EFNB1: variants seen among roughly 807,000 people sequenced by gnomAD.
The protein encoded by EFNB1 is ephrin-B1.
Under a neutral mutation model 18.1 loss-of-function variants are expected in EFNB1, and 1 was observed. That is an observed-to-expected ratio of 0.06 (90% confidence interval 0.02 to 0.26). The LOEUF (loss-of-function observed/expected upper bound fraction) is 0.26. Ranked by LOEUF, EFNB1 falls within the 10% of genes least tolerant of loss-of-function variation. The pLI is 1.00. For synonymous variants in EFNB1, 131 were observed against 127.5 expected, an observed-to-expected ratio of 1.03 and a Z score of -0.19; for missense variants, 221 against 301.8, an observed-to-expected ratio of 0.73 and a Z score of 1.98.
chrX:68,829,762 T>G lies in EFNB1; in HGVS notation c.-15T>G. 2 of 1,186,162 alleles carry G rather than the reference T, an allele frequency of 1.7e-6. No individual in the cohort carries two copies. Among genetic ancestry groups the G allele is most frequent in the Non-Finnish European group, 2.3e-6 (2 of 882,541 alleles). On this transcript the variant is annotated 5_prime_UTR_variant, in exon 1 of 5. Transcript: ENST00000204961. ...GGCGCCAAGGGATCCCGAAGTGCAG[T>G]CTGCCCCCGGGAAGATGGCTCGGCC... is the stretch of plus-strand genomic sequence containing the variant.
At chrX:68,838,164 TGTGTGTGTGCGCGCGC>T (rs779615453) in intron 1 of EFNB1, among the ~76,000 whole-genome samples, 1 of 46,841 alleles carries the variant, frequency 2.1e-5, no homozygotes, top group Non-Finnish European at 3.9e-5. Context: ...TGTGTGTGTG[TGTGTGTGTGCGCGCGC>T]GCGCGCGCAC....
intron 1 of EFNB1, among the ~76,000 whole-genome samples, chrX:68,830,191 G>A (rs1394337620): frequency 8.9e-6 from 1 of 111,852 alleles, no homozygotes; most frequent in Non-Finnish European, 1.9e-5. Flanking sequence ...GAGTCCGGGC[G>A]CCCGAGAGCG....
At position 68,832,785 on chromosome X, in the gene EFNB1, G is replaced by A. The variant is rs771765514; in HGVS notation, c.128+2881G>A. The stretch of plus-strand genomic sequence containing the variant: ...GGGGGATGGGTTTGGTCCTGCTAGA[G>A]TTTTTTTTAGGAACCTCTGTGTGTG... On this transcript the variant is annotated intron_variant, in intron 1 of 4. Transcript: ENST00000204961. Among the ~76,000 whole-genome samples, 5 of 100,846 alleles carry A rather than the reference G, an allele frequency of 5.0e-5. No homozygotes were observed. In the South Asian group the frequency reaches 1.8e-3, roughly 36 times the overall value. 87.6% of individuals were successfully genotyped at this position (100,846 alleles called of 115,157 possible). A position where few individuals can be genotyped will look rare whatever the true frequency, so the allele number is the denominator to read the frequency against.
intron 1 of EFNB1, among the ~76,000 whole-genome samples, chrX:68,834,125 G>A (rs1402622241): frequency 1.8e-5 from 2 of 112,307 alleles, no homozygotes; most frequent in East Asian, 5.7e-4. Flanking sequence ...TGTGACTCAG[G>A]CCCTGTCTGT....
intron 1 of EFNB1, among the ~76,000 whole-genome samples, chrX:68,833,922 C>A (rs148279702): frequency 1.8e-5 from 2 of 112,538 alleles, no homozygotes; most frequent in Non-Finnish European, 3.8e-5. Flanking sequence ...GGCATATGCC[C>A]GGACAAGGGA....
chrX:68,837,498 A>G lies in EFNB1; in HGVS notation c.129-1119A>G, dbSNP rs753136467. 7.1e-5 allele frequency among the ~76,000 whole-genome samples: 8 copies of G among 112,392 alleles called. 1 individual carries two copies. The Admixed American group carries it at 7.5e-4, about 11-fold the overall frequency. ...GGGCCTAGCTTTGGAATCTGATTCT[A>G]AAGTCTGTGTTCTTTCTCCTACATG... On this transcript the variant is annotated intron_variant, in intron 1 of 4. Transcript: ENST00000204961.
intron 1 of EFNB1, among the ~76,000 whole-genome samples, chrX:68,836,658 T>C (rs755621010): frequency 1.2e-4 from 14 of 112,407 alleles, no homozygotes; most frequent in African/African-American, 4.2e-4. Context: ...ACCTTTGGTG[T>C]AATGGGCCCT....
intron 4 of EFNB1, 55 bp downstream of exon 4, chrX:68,840,143 G>A: frequency 1.7e-6 from 2 of 1,210,649 alleles, no homozygotes; most frequent in Non-Finnish European, 2.2e-6. Context: ...ACCTTGTTAG[G>A]CCCTGTCCCT....
chrX:68,832,194 C>G (rs937522565), intron 1 of EFNB1, among the ~76,000 whole-genome samples: 2 of 110,852 alleles, frequency 1.8e-5, no homozygotes, highest in Admixed American at 9.5e-5. Flanking sequence ...GCCTCCTGCC[C>G]GAGTTCTCCT....
intron 1 of EFNB1, 72 bp from the exon 2 acceptor site, chrX:68,838,545 G>A (rs1396402445): frequency 4.2e-6 from 5 of 1,177,477 alleles, no homozygotes; most frequent in Admixed American, 2.2e-5. Flanking sequence ...GCTCTTGTCC[G>A]CTTCCCTGGT....
intron 1 of EFNB1, among the ~76,000 whole-genome samples, chrX:68,831,725 G>C (rs763413786): frequency 1.2e-4 from 13 of 111,182 alleles, no homozygotes; most frequent in Non-Finnish European, 2.5e-4. Flanking sequence ...CCCTCCTGCA[G>C]AGTTGGGGGT....
At chrX:68,838,944 T>C in intron 2 of EFNB1, 50 bp downstream of exon 2, 2 of 1,167,012 alleles carry the variant, frequency 1.7e-6, no homozygotes, top group Non-Finnish European at 2.3e-6. Flanking sequence ...GCTTAACTCT[T>C]TCCTCTCCTG....
intron 1 of EFNB1, among the ~76,000 whole-genome samples, chrX:68,838,131 A>ATG (rs1193927663): frequency 0.073 from 4,012 of 55,075 alleles, 120 homozygotes; most frequent in Non-Finnish European, 0.089. Flanking sequence ...GTGTGTGTGT[A>ATG]TGTGTGTGTG....
In EFNB1 at chrX:68,842,129, G is replaced by T. The variant is rs1281064320; in HGVS notation, c.*1475G>T. ...TGTTGCTTTTTTCTTAGAAAAAAATGAGAACTAAAAAAAAAAAATTAACCA... is the reference window on the plus strand; with the variant it reads ...TGTTGCTTTTTTCTTAGAAAAAAATTAGAACTAAAAAAAAAAAATTAACCA... On this transcript the variant is annotated 3_prime_UTR_variant, in exon 5 of 5. Coordinates refer to ENST00000204961, the MANE Select transcript of EFNB1 (RefSeq NM_004429.5). The T allele has an allele frequency of 8.9e-6, 1 of 111,880 alleles. No individual in the cohort carries two copies. The allele number at this position is 111,880 out of a possible 1,213,427, so 9.2% of individuals were successfully genotyped here. A position where few individuals can be genotyped will look rare whatever the true frequency, so the allele number is the denominator to read the frequency against.
In EFNB1 at chrX:68,837,687, T is replaced by G. The variant is rs144326717; in HGVS notation, c.129-930T>G. ...CAGTGCCTGGCCTTCTGGATTAGAA[T>G]ATGAACCTGGCTCAAAAGGCATTTG... On this transcript the variant is annotated intron_variant, in intron 1 of 4. Transcript: ENST00000204961. 4.3e-3 allele frequency among the ~76,000 whole-genome samples: 479 copies of G among 111,973 alleles called. 3 individuals are homozygous for G. Among genetic ancestry groups the G allele is most frequent in the African/African-American group, 0.015 (450 of 30,843 alleles).
chrX:68,837,110 C>T (rs1417587553), intron 1 of EFNB1, among the ~76,000 whole-genome samples: 1 of 111,601 alleles, frequency 9.0e-6, no homozygotes, highest in East Asian at 2.8e-4. Context: ...CATCCTCACA[C>T]ATACCTACAG....
intron 1 of EFNB1, 67 bp downstream of exon 1, chrX:68,829,971 CG>C (rs2080440208): frequency 1.7e-5 from 19 of 1,126,828 alleles, no homozygotes; most frequent in Non-Finnish European, 1.5e-5. Flanking sequence ...CCGCACGCCC[CG>C]GAGTGCATGT....
At chrX:68,838,119 GTGTGTGTGTGTA>G in intron 1 of EFNB1, among the ~76,000 whole-genome samples, 1 of 91,354 alleles carries the variant, frequency 1.1e-5, no homozygotes, top group South Asian at 6.3e-4. Context: ...TGGGCTTGCT[GTGTGTGTGTGTA>G]TGTGTGTGTG....
At position 68,842,056 on chromosome X, in the gene EFNB1, A is replaced by G. The variant is rs971645832; in HGVS notation, c.*1402A>G. 2.7e-5 allele frequency: 3 copies of G among 112,341 alleles called. No homozygotes were observed. The highest frequency in any genetic ancestry group is 3.8e-5 in the Non-Finnish European group (2 of 53,117). 9.3% of individuals were successfully genotyped at this position (112,341 alleles called of 1,213,427 possible). A position where few individuals can be genotyped will look rare whatever the true frequency, so the allele number is the denominator to read the frequency against. On this transcript the variant is annotated 3_prime_UTR_variant, in exon 5 of 5. Coordinates refer to ENST00000204961, the MANE Select transcript of EFNB1 (RefSeq NM_004429.5). ...TTTGTGTAAATACTAGTCTTTTTGG[A>G]AAAAAAATAATGTAAAGATGTTTTG...
Sources: gnomAD v4.1 joint callset for allele counts (sites outside exome capture counted in the v4.1 genomes callset) on GRCh38, gnomAD v4.1.1 for gene constraint, MANE v1.5 for transcripts, NCBI Gene and HGNC (gene_info 2026-07-23, HGNC 2026-07-21) for gene names.